The following SHISA6 variants were observed in gnomAD, a reference collection of about 807,000 sequenced individuals.
SHISA6 encodes the protein protein shisa-6.
Under a neutral mutation model 47.9 loss-of-function variants are expected in SHISA6, and 22 were observed. The ratio of observed to expected loss-of-function variants is 0.46; its 90% confidence interval spans 0.33 to 0.66. The LOEUF (loss-of-function observed/expected upper bound fraction) is 0.66. Ranked by LOEUF, SHISA6 falls within the 30% of genes least tolerant of loss-of-function variation. SHISA6 has a pLI of 0.02. For synonymous variants in SHISA6, 388 were observed against 337.8 expected (o/e 1.15, Z -1.63); for missense variants, 680 against 764.6 (o/e 0.89, Z 1.30).
At chr17:11,518,430 A>G (rs1162603522) in intron 3 of SHISA6, among the ~76,000 whole-genome samples, 18 of 152,016 alleles carry the variant, frequency 1.2e-4, no homozygotes, top group Admixed American at 1.2e-3. Flanking sequence ...GAACTTTAAC[A>G]TGTTGGGCCA....
At chr17:11,524,757 C>T (rs2071661673) in intron 3 of SHISA6, among the ~76,000 whole-genome samples, 2 of 152,186 alleles carry the variant, frequency 1.3e-5, no homozygotes, top group African/African-American at 4.8e-5. Flanking sequence ...CCTTGGCCTC[C>T]CAAAGTGCTA....
intron 3 of SHISA6, among the ~76,000 whole-genome samples, chr17:11,467,980 A>G (rs1033859525): frequency 6.6e-6 from 1 of 152,188 alleles, no homozygotes; most frequent in African/African-American, 2.4e-5. Context: ...TTTCCCTGAA[A>G]GCTTACAGAA....
At chr17:11,503,868 G>C (rs999775146) in intron 3 of SHISA6, among the ~76,000 whole-genome samples, 3 of 152,172 alleles carry the variant, frequency 2.0e-5, no homozygotes, top group Admixed American at 6.5e-5. Flanking sequence ...CAGTCTCTCT[G>C]TACTCCTTCT....
rs1050350351 is a variant in SHISA6 at position 11,352,988 on chromosome 17, A to G, written c.800-26426A>G. ...CAAATTATGATTGCCTTCCACCCTA[A>G]CCTTTATCTTTGCCAAACTGAAAGG... is the stretch of plus-strand genomic sequence containing the variant. On this transcript the variant is annotated intron_variant, in intron 2 of 5. Coordinates refer to ENST00000441885, the MANE Select transcript of SHISA6 (RefSeq NM_207386.4). 7.9e-5 allele frequency among the ~76,000 whole-genome samples: 12 copies of G among 152,036 alleles called. No individual in the cohort carries two copies. The South Asian group carries it at 1.5e-3, about 18-fold the overall frequency.
chr17:11,555,802 C>T lies in SHISA6; in HGVS notation c.1015C>T (p.Arg339Cys), dbSNP rs928835031. The T allele has an allele frequency of 1.2e-5, 18 of 1,551,608 alleles. No individual in the cohort carries two copies. Among genetic ancestry groups the T allele is most frequent in the Admixed American group, 7.9e-5 (4 of 50,870 alleles). ...ATEPYDLSFS[R>C]SFQNLAHLPP... The stretch of plus-strand genomic sequence containing the variant: ...CGAGCCCTATGACCTCTCCTTCTCC[C>T]GCTCGTTCCAGAACTTGGCCCACCT... Residue 339 changes from arginine (R) to cysteine (C), a missense_variant, in exon 5 of 6, where the codon CGC becomes TGC. Physicochemically the swap from Arg to Cys is radical, Grantham distance 180. Coordinates refer to ENST00000441885, the MANE Select transcript of SHISA6 (RefSeq NM_207386.4).
intron 2 of SHISA6, among the ~76,000 whole-genome samples, chr17:11,277,311 CACACACA>C (rs1908957220): frequency 6.6e-5 from 10 of 150,756 alleles, no homozygotes; most frequent in African/African-American, 2.2e-4. Flanking sequence ...CACACACACA[CACACACA>C]CCCCGCATGT....
At chr17:11,547,766 G>A (rs1443769300) in intron 3 of SHISA6, among the ~76,000 whole-genome samples, 1 of 152,186 alleles carries the variant, frequency 6.6e-6, no homozygotes, top group Non-Finnish European at 1.5e-5. Context: ...AGGTAATTCT[G>A]TGAAAGAGTA....
At chr17:11,301,314 G>T (rs1193015197) in intron 2 of SHISA6, among the ~76,000 whole-genome samples, 1 of 152,120 alleles carries the variant, frequency 6.6e-6, no homozygotes, top group Non-Finnish European at 1.5e-5. Context: ...CATTCTCCAG[G>T]CATCAAATTC....
chr17:11,493,677 T>C (rs1258213652), intron 3 of SHISA6, among the ~76,000 whole-genome samples: 3 of 152,322 alleles, frequency 2.0e-5, no homozygotes, highest in East Asian at 3.9e-4. Context: ...GGGTACCGTA[T>C]ACAAGGCATC....
At chr17:11,310,077 T>C (rs1194038733) in intron 2 of SHISA6, among the ~76,000 whole-genome samples, 1 of 152,180 alleles carries the variant, frequency 6.6e-6, no homozygotes, top group East Asian at 1.9e-4. Context: ...GTGGAGTGTG[T>C]CTGGCTAGCC....
In SHISA6 at chr17:11,379,494, A is replaced by G; in HGVS notation, c.880A>G (p.Arg294Gly). 2 of 1,538,284 alleles carry G rather than the reference A, an allele frequency of 1.3e-6. No homozygotes were observed. Among genetic ancestry groups the G allele is most frequent in the Admixed American group, 2.0e-5 (1 of 49,034 alleles). ...FISSGFVTLG[R>G]GHTKGDHQYN... ...CTCATCTGGATTTGTCACATTAGGA[A>G]GAGGACACACCAAGGGTACAGTGGA... Residue 294 changes from arginine to glycine, a missense_variant, in exon 3 of 6, where the codon AGA (arginine) becomes GGA (glycine). Around this residue, in one of 2 missense-constraint regions of SHISA6, gnomAD observed 559 missense variants for 674.1 expected, o/e 0.83. Transcript: ENST00000441885.
At chr17:11,297,030 G>C (rs1322116389) in intron 2 of SHISA6, among the ~76,000 whole-genome samples, 1 of 152,160 alleles carries the variant, frequency 6.6e-6, no homozygotes, top group Non-Finnish European at 1.5e-5. Flanking sequence ...GGCCAATTTG[G>C]ATGAAGCAAA....
chr17:11,530,298 G>A (rs2071721465), intron 3 of SHISA6, among the ~76,000 whole-genome samples: 1 of 152,036 alleles, frequency 6.6e-6, no homozygotes, highest in South Asian at 2.1e-4. Context: ...ACAATGTATT[G>A]ATGTAGCTGA....
At chr17:11,323,710 T>C (rs550378920) in intron 2 of SHISA6, among the ~76,000 whole-genome samples, 5 of 150,824 alleles carry the variant, frequency 3.3e-5, no homozygotes, top group South Asian at 4.2e-4. Flanking sequence ...ACATGATACT[T>C]TGTGGTCGAG....
chr17:11,556,191 G>A (rs943906191), intron 5 of SHISA6, among the ~76,000 whole-genome samples: 3 of 152,044 alleles, frequency 2.0e-5, no homozygotes, highest in Admixed American at 6.6e-5. Flanking sequence ...TCCCAGTCCC[G>A]CACGCAACTG....
At chr17:11,276,046 C>G (rs955485801) in intron 2 of SHISA6, among the ~76,000 whole-genome samples, 20 of 151,808 alleles carry the variant, frequency 1.3e-4, no homozygotes, top group African/African-American at 4.8e-4. Flanking sequence ...GGTGCAATCT[C>G]TGTTCACTGC....
intron 2 of SHISA6, among the ~76,000 whole-genome samples, chr17:11,365,127 G>A (rs989288954): frequency 2.6e-5 from 4 of 151,982 alleles, no homozygotes; most frequent in African/African-American, 7.3e-5. Flanking sequence ...AGAAGCTCTC[G>A]CTCATAAATA....
At chr17:11,392,169 T>C (rs1245468379) in intron 3 of SHISA6, among the ~76,000 whole-genome samples, 1 of 151,632 alleles carries the variant, frequency 6.6e-6, no homozygotes, top group Non-Finnish European at 1.5e-5. Context: ...CAGTGAATCT[T>C]TTTTTTTTCT....
intron 2 of SHISA6, among the ~76,000 whole-genome samples, chr17:11,267,780 G>A (rs926913216): frequency 6.6e-6 from 1 of 152,176 alleles, no homozygotes; most frequent in African/African-American, 2.4e-5. Flanking sequence ...GGGGCTGAAG[G>A]GAGTGGAAGA....
Sources: allele counts gnomAD v4.1 joint callset (sites outside exome capture counted in the v4.1 genomes callset), GRCh38; gene constraint gnomAD v4.1.1; regional missense constraint gnomAD v4.1.1; transcripts MANE v1.5; gene names NCBI Gene and HGNC (gene_info 2026-07-23, HGNC 2026-07-21).